The following CTNNA3 variants were observed in gnomAD, a reference collection of about 807,000 sequenced individuals.
CTNNA3 encodes catenin alpha 3, also known as catenin alpha-3.
A neutral mutation model predicts 95.7 loss-of-function variants in CTNNA3; 76 were observed. That is an observed-to-expected ratio of 0.79 (90% CI 0.66 to 0.96). The LOEUF (loss-of-function observed/expected upper bound fraction) is 0.96. Ranked by LOEUF, CTNNA3 falls within the 40% of genes least tolerant of loss-of-function variation. The probability of loss-of-function intolerance (pLI) is 0.00; values close to 1 mark genes in which losing one functional copy is unlikely to be tolerated. For synonymous variants in CTNNA3, 431 were observed against 374.4 expected, an observed-to-expected ratio of 1.15 and a Z score of -1.74; for missense variants, 1,191 against 1,089.8, an observed-to-expected ratio of 1.09 and a Z score of -1.31.
intron 13 of CTNNA3, among the ~76,000 whole-genome samples, chr10:66,218,999 C>A (rs2088737038): frequency 1.3e-5 from 2 of 152,238 alleles, no homozygotes; most frequent in South Asian, 4.1e-4. Flanking sequence ...ATTAGAAATA[C>A]CTATAGTGGT....
chr10:67,130,275 G>T (rs1859928429), intron 7 of CTNNA3, among the ~76,000 whole-genome samples: 1 of 152,034 alleles, frequency 6.6e-6, no homozygotes, highest in Non-Finnish European at 1.5e-5. Context: ...TCAACTAGAT[G>T]AAATCCAGTC....
chr10:67,482,545 CTGTT>C (rs1848275853), intron 5 of CTNNA3, among the ~76,000 whole-genome samples: 1 of 152,102 alleles, frequency 6.6e-6, no homozygotes, highest in African/African-American at 2.4e-5. Flanking sequence ...ATTTGGCTCT[CTGTT>C]TGTCTGTTAT....
chr10:67,399,444 A>C (rs2132800186), intron 5 of CTNNA3, among the ~76,000 whole-genome samples: 1 of 152,320 alleles, frequency 6.6e-6, no homozygotes, highest in South Asian at 2.1e-4. Context: ...TAATCAAATA[A>C]AATTTGCAGT....
intron 3 of CTNNA3, among the ~76,000 whole-genome samples, chr10:67,539,942 C>G (rs1840618959): frequency 6.6e-6 from 1 of 152,090 alleles, no homozygotes; most frequent in African/African-American, 2.4e-5. Context: ...CTGCCAACTT[C>G]TGCATTTGCT....
At chr10:66,257,708 C>T (rs2090845115) in intron 13 of CTNNA3, among the ~76,000 whole-genome samples, 1 of 152,144 alleles carries the variant, frequency 6.6e-6, no homozygotes, top group Non-Finnish European at 1.5e-5. Flanking sequence ...GTTACAGCCC[C>T]TAATAACAAA....
chr10:66,860,937 G>A (rs1270056194), intron 7 of CTNNA3, among the ~76,000 whole-genome samples: 2 of 152,160 alleles, frequency 1.3e-5, no homozygotes, highest in African/African-American at 4.8e-5. Flanking sequence ...AGAACTCAAT[G>A]ATCAGATTCT....
intron 1 of CTNNA3, among the ~76,000 whole-genome samples, chr10:67,714,192 T>C (rs1162861265): frequency 6.6e-6 from 1 of 152,120 alleles, no homozygotes; most frequent in Non-Finnish European, 1.5e-5. Context: ...CCCAGAATGG[T>C]AGATCCACCA....
chr10:66,512,275 A>C (rs1358809233), intron 11 of CTNNA3, among the ~76,000 whole-genome samples: 1 of 152,188 alleles, frequency 6.6e-6, no homozygotes, highest in Non-Finnish European at 1.5e-5. Context: ...TTAAATGAGA[A>C]GTGAGTTTCA....
intron 12 of CTNNA3, among the ~76,000 whole-genome samples, chr10:66,349,769 G>A (rs779885904): frequency 6.6e-6 from 1 of 151,970 alleles, no homozygotes; most frequent in South Asian, 2.1e-4. Context: ...GTTGAAATAA[G>A]GTGGTTTTAT....
intron 12 of CTNNA3, among the ~76,000 whole-genome samples, chr10:66,296,545 G>A (rs1033293633): frequency 1.3e-5 from 2 of 151,260 alleles, no homozygotes; most frequent in African/African-American, 4.9e-5. Context: ...ACACACACAT[G>A]TGTGTGCATG....
chr10:66,074,400 G>A (rs1294041243), intron 14 of CTNNA3, among the ~76,000 whole-genome samples: 7 of 151,632 alleles, frequency 4.6e-5, no homozygotes, highest in Non-Finnish European at 1.0e-4. Context: ...TACATCACAG[G>A]GATCATCATA....
At chr10:66,670,550 C>T (rs1846623381) in intron 9 of CTNNA3, among the ~76,000 whole-genome samples, 1 of 152,124 alleles carries the variant, frequency 6.6e-6, no homozygotes. Context: ...CTTCTAACCT[C>T]CCCTTCTACC....
chr10:66,094,843 G>A (rs2133707353), intron 14 of CTNNA3, among the ~76,000 whole-genome samples: 1 of 152,214 alleles, frequency 6.6e-6, no homozygotes, highest in South Asian at 2.1e-4. Context: ...TGATAGTGGA[G>A]ATGGTGAAAA....
intron 12 of CTNNA3, among the ~76,000 whole-genome samples, chr10:66,349,826 TA>T (rs2092553334): frequency 6.6e-6 from 1 of 152,086 alleles, no homozygotes; most frequent in Non-Finnish European, 1.5e-5. Context: ...TTAAATGGCT[TA>T]ATCAAAACTA....
chr10:67,680,524 C>T (rs750064091), intron 1 of CTNNA3, among the ~76,000 whole-genome samples: 57 of 152,218 alleles, frequency 3.7e-4, no homozygotes, highest in African/African-American at 1.2e-3. Context: ...AAGCACCAAA[C>T]GGTAGAAACC....
At chr10:66,044,335 T>C (rs1384489443) in intron 15 of CTNNA3, among the ~76,000 whole-genome samples, 1 of 152,072 alleles carries the variant, frequency 6.6e-6, no homozygotes, top group Non-Finnish European at 1.5e-5. Flanking sequence ...CAAACAAATG[T>C]TTATATTTAT....
intron 7 of CTNNA3, among the ~76,000 whole-genome samples, chr10:67,079,858 A>AACACACACACACACACACACAC (rs199928311): frequency 7.1e-6 from 1 of 141,266 alleles, no homozygotes; most frequent in Non-Finnish European, 1.5e-5. Flanking sequence ...AAAAAAACAA[A>AACACACACACACACACACACAC]ACACACACAC....
chr10:65,931,722 C>T (rs1301853553), intron 17 of CTNNA3, among the ~76,000 whole-genome samples: 1 of 152,224 alleles, frequency 6.6e-6, no homozygotes, highest in Non-Finnish European at 1.5e-5. Flanking sequence ...AAGTCTCTCT[C>T]TTCCTGCCTA....
chr10:67,257,319 A>T (rs780350010), intron 5 of CTNNA3, among the ~76,000 whole-genome samples: 1 of 152,256 alleles, frequency 6.6e-6, no homozygotes, highest in Admixed American at 6.5e-5. Context: ...AGAATAAAGT[A>T]TGTAAAGACT....
Sources: allele counts gnomAD v4.1 joint callset (sites outside exome capture counted in the v4.1 genomes callset), GRCh38; gene constraint gnomAD v4.1.1; transcripts MANE v1.5; gene names NCBI Gene and HGNC (gene_info 2026-07-23, HGNC 2026-07-21).